The following MPZL1 variants were observed in gnomAD, a reference collection of about 807,000 sequenced individuals.
MPZL1 encodes the protein myelin protein zero-like protein 1.
In MPZL1, 16 loss-of-function variants were observed where a neutral mutation model predicts 29.3. The ratio of observed to expected loss-of-function variants is 0.55; its 90% CI spans 0.37 to 0.83. The LOEUF (loss-of-function observed/expected upper bound fraction) is 0.83, where lower values mean the gene tolerates loss of function less well. Among genes scored for constraint, MPZL1 ranks in the 40% least tolerant of loss-of-function variants. The probability of loss-of-function intolerance (pLI) is 0.00; values close to 1 mark genes in which losing one functional copy is unlikely to be tolerated. For synonymous variants in MPZL1, 143 were observed against 132.0 expected (o/e 1.08, Z -0.57); for missense variants, 279 against 332.9 (o/e 0.84, Z 1.26).
chr1:167,785,982 A>T lies in MPZL1; in HGVS notation c.709-1838A>T, dbSNP rs1035903281. On this transcript the variant is annotated intron_variant, in intron 5 of 5. Transcript: ENST00000359523. Reference sequence around the variant, plus strand: ...GAATTTTTTTGTATTTTTAGTAGAGACGGGGTTTCACCGTGTTAGCAAGGA... The same window carrying T: ...GAATTTTTTTGTATTTTTAGTAGAGTCGGGGTTTCACCGTGTTAGCAAGGA... 1.3e-5 allele frequency among the ~76,000 whole-genome samples: 2 copies of T among 152,092 alleles called. 1 individual carries two copies. The highest frequency in any genetic ancestry group is 4.2e-4 in the South Asian group (2 of 4,814).
chr1:167,722,333 G>T (rs1660049153), intron 1 of MPZL1, 91 bp downstream of exon 1: 2 of 1,227,672 alleles, frequency 1.6e-6, no homozygotes, highest in Admixed American at 4.3e-5. Flanking sequence ...CCAGGCGCGC[G>T]CACTGAGAGC....
At chr1:167,764,150 G>A in intron 1 of MPZL1, among the ~76,000 whole-genome samples, 1 of 152,060 alleles carries the variant, frequency 6.6e-6, no homozygotes. Context: ...TATGGAAGAT[G>A]GGTATTTTTA....
chr1:167,763,820 T>C lies in MPZL1; in HGVS notation c.92-1763T>C, dbSNP rs998081518. Among the ~76,000 whole-genome samples, 4 of 152,330 alleles carry C rather than the reference T, an allele frequency of 2.6e-5. No homozygotes were observed. In the East Asian group the frequency reaches 5.8e-4, roughly 22 times the overall value. ...GGTTTGGACCGCAAATAATAATCTA[T>C]TGTTCCCTGTAATAATAATCCACCC... On this transcript the variant is annotated intron_variant, in intron 1 of 5. Transcript: ENST00000359523.
intron 1 of MPZL1, 75 bp downstream of exon 1, chr1:167,722,317 C>T (rs1660048648): frequency 6.5e-6 from 8 of 1,229,686 alleles, no homozygotes; most frequent in East Asian, 3.2e-5. Context: ...TCGCGGCGGT[C>T]GCAGGCCAGG....
chr1:167,750,958 G>C (rs943573978), intron 1 of MPZL1, among the ~76,000 whole-genome samples: 2 of 152,162 alleles, frequency 1.3e-5, no homozygotes, highest in African/African-American at 2.4e-5. Context: ...CCTCATTCAA[G>C]TGTGTCTGAT....
At chr1:167,729,359 A>G (rs938681147) in intron 1 of MPZL1, among the ~76,000 whole-genome samples, 5 of 152,136 alleles carry the variant, frequency 3.3e-5, no homozygotes, top group African/African-American at 1.2e-4. Context: ...GTGGAGTTAT[A>G]TACATTTAAC....
At chr1:167,732,230 C>T (rs1317360996) in intron 1 of MPZL1, among the ~76,000 whole-genome samples, 1 of 152,142 alleles carries the variant, frequency 6.6e-6, no homozygotes, top group Non-Finnish European at 1.5e-5. Flanking sequence ...TATCTTATCT[C>T]AGAAATTTCC....
At chr1:167,778,725 G>C (rs892003152) in intron 5 of MPZL1, among the ~76,000 whole-genome samples, 1 of 151,658 alleles carries the variant, frequency 6.6e-6, no homozygotes, top group Non-Finnish European at 1.5e-5. Context: ...AGATGTAAAG[G>C]AAAGCTTGAA....
At chr1:167,752,463 C>T (rs915075382) in intron 1 of MPZL1, among the ~76,000 whole-genome samples, 1 of 152,170 alleles carries the variant, frequency 6.6e-6, no homozygotes, top group African/African-American at 2.4e-5. Flanking sequence ...GTTTGTTGTA[C>T]ACATTCTTGT....
rs1377434586 is a variant in MPZL1, at chr1:167,788,141, T to G, written c.*220T>G. On this transcript the variant is annotated 3_prime_UTR_variant, in exon 6 of 6. Coordinates refer to ENST00000359523, the MANE Select transcript of MPZL1 (RefSeq NM_003953.6). ...AGTGTTGCATGATGAAAAGATGGTA[T>G]GATTCTACATATGTACCCATTGTCT... 1.6e-5 allele frequency: 8 copies of G among 489,454 alleles called. No homozygotes were observed. The highest frequency in any genetic ancestry group is 1.6e-4 in the African/African-American group (8 of 51,140). 30.3% of individuals were successfully genotyped at this position (489,454 alleles called of 1,614,324 possible).
intron 1 of MPZL1, among the ~76,000 whole-genome samples, chr1:167,747,416 G>T (rs968424634): frequency 1.3e-5 from 2 of 151,878 alleles, no homozygotes; most frequent in Admixed American, 6.6e-5. Flanking sequence ...TAGAAACAGG[G>T]GTCTCACTAT....
chr1:167,731,997 A>G (rs982557196), intron 1 of MPZL1, among the ~76,000 whole-genome samples: 5 of 152,222 alleles, frequency 3.3e-5, no homozygotes, highest in African/African-American at 1.2e-4. Flanking sequence ...CTGAAGTAGT[A>G]AGATACTGTT....
Position 167,722,085 on chromosome 1 carries a change from G to C in MPZL1, c.-67G>C. 1 of 1,231,390 alleles carries C rather than the reference G, an allele frequency of 8.1e-7. No individual in the cohort carries two copies. The highest frequency in any genetic ancestry group is 4.1e-5 in the South Asian group (1 of 24,342). 76.3% of individuals were successfully genotyped at this position (1,231,390 alleles called of 1,614,324 possible). On this transcript the variant is annotated 5_prime_UTR_variant, in exon 1 of 6. Transcript: ENST00000359523. ...ATCAGAAGCCTCTTCCCCAAGCCGAGCCAACCTCAGCGGGGACCCGGGCTC... is the reference window on the plus strand; with the variant it reads ...ATCAGAAGCCTCTTCCCCAAGCCGACCCAACCTCAGCGGGGACCCGGGCTC...
chr1:167,786,227 T>C (rs1467991824), intron 5 of MPZL1, among the ~76,000 whole-genome samples: 2 of 152,244 alleles, frequency 1.3e-5, no homozygotes, highest in Non-Finnish European at 2.9e-5. Flanking sequence ...ACAGCCATTA[T>C]AGACTAAAGA....
At position 167,771,971 on chromosome 1, in the gene MPZL1, A is replaced by G. The variant is rs529975320; in HGVS notation, c.259-304A>G. Among the ~76,000 whole-genome samples, 6 of 152,146 alleles carry G rather than the reference A, an allele frequency of 3.9e-5. No homozygotes were observed. In the East Asian group the frequency reaches 1.2e-3, roughly 29 times the overall value. ...AAACCCCTCTCCACCAAAAATACAA[A>G]AACCAGTCAGGCGTGGCCGCACGTG... On this transcript the variant is annotated intron_variant, in intron 2 of 5. Coordinates refer to ENST00000359523, the MANE Select transcript of MPZL1 (RefSeq NM_003953.6).
Position 167,723,456 on chromosome 1 carries a change from A to G in MPZL1, c.91+1214A>G, listed in dbSNP as rs187741351. Among the ~76,000 whole-genome samples, 43 of 152,360 alleles carry G rather than the reference A, an allele frequency of 2.8e-4. No individual in the cohort carries two copies. The East Asian group carries it at 8.1e-3, about 29-fold the overall frequency. ...CAGATGATGACACACTTTGTGTAAG[A>G]CACAATCCATTCTGTATTTTGTCTT... is the stretch of plus-strand genomic sequence containing the variant. On this transcript the variant is annotated intron_variant, in intron 1 of 5. Coordinates refer to ENST00000359523, the MANE Select transcript of MPZL1 (RefSeq NM_003953.6).
At chr1:167,755,036 C>T (rs1660839172) in intron 1 of MPZL1, among the ~76,000 whole-genome samples, 1 of 152,164 alleles carries the variant, frequency 6.6e-6, no homozygotes, top group Admixed American at 6.5e-5. Flanking sequence ...CACCCAAAGA[C>T]CATTATATTT....
intron 1 of MPZL1, among the ~76,000 whole-genome samples, chr1:167,739,225 G>A (rs1346082722): frequency 6.8e-6 from 1 of 147,888 alleles, no homozygotes; most frequent in African/African-American, 2.5e-5. Context: ...TTATAGGTGT[G>A]AACCACTGCA....
chr1:167,785,440 A>G (rs1286417634), intron 5 of MPZL1, among the ~76,000 whole-genome samples: 2 of 152,250 alleles, frequency 1.3e-5, no homozygotes, highest in African/African-American at 4.8e-5. Flanking sequence ...GAAACTGCAC[A>G]GCATCACTGC....
Sources: gnomAD v4.1 joint callset for allele counts (sites outside exome capture counted in the v4.1 genomes callset) on GRCh38, gnomAD v4.1.1 for gene constraint, MANE v1.5 for transcripts, NCBI Gene and HGNC (gene_info 2026-07-23, HGNC 2026-07-21) for gene names.